Variants in TMEM143 observed in about 807,000 individuals in gnomAD.
TMEM143 encodes transmembrane protein 143.
A neutral mutation model predicts 40.3 loss-of-function variants in TMEM143; 45 were observed. The observed-to-expected ratio is 1.12, with a 90% confidence interval of 0.88 to 1.43. TMEM143 has a LOEUF of 1.43. Among genes scored for constraint, TMEM143 ranks in the 40% most tolerant of loss-of-function variants. The pLI, the probability that TMEM143 is intolerant of heterozygous loss-of-function variation, is 0.00. For missense variants in TMEM143, 620 were observed against 613.4 expected (o/e 1.01, Z -0.11); for synonymous variants, 299 against 282.7 (o/e 1.06, Z -0.58).
At chr19:48,358,978 G>A (rs1969972246) in intron 3 of TMEM143, among the ~76,000 whole-genome samples, 1 of 152,144 alleles carries the variant, frequency 6.6e-6, no homozygotes, top group Non-Finnish European at 1.5e-5. Context: ...AGACCACCCT[G>A]GCCAACATGG....
At chr19:48,344,928 G>T (rs1037320105) in intron 4 of TMEM143, among the ~76,000 whole-genome samples, 4 of 152,132 alleles carry the variant, frequency 2.6e-5, no homozygotes, top group African/African-American at 9.7e-5. Context: ...GGCTGGTCTT[G>T]AACTCTTGAC....
intron 6 of TMEM143, among the ~76,000 whole-genome samples, chr19:48,335,943 G>A (rs190714237): frequency 6.6e-6 from 1 of 151,948 alleles, no homozygotes; most frequent in East Asian, 1.9e-4. Flanking sequence ...GGGGAAGGAT[G>A]TTGGGGGGAA....
intron 6 of TMEM143, among the ~76,000 whole-genome samples, chr19:48,334,533 TTTC>T (rs1481552324): frequency 1.1e-4 from 17 of 149,020 alleles, no homozygotes; most frequent in Non-Finnish European, 2.4e-4. Flanking sequence ...CTTTCTTTCT[TTTC>T]TTTTCTTTCT....
intron 3 of TMEM143, 99 bp from the exon 4 acceptor site, chr19:48,345,453 T>TATTTA (rs1464392633): frequency 1.5e-6 from 1 of 658,760 alleles, no homozygotes; most frequent in Non-Finnish European, 2.1e-6. Context: ...TTCATTTATT[T>TATTTA]ATTTATTTAT....
chr19:48,363,909 C>T lies in TMEM143; in HGVS notation c.12G>A (p.Glu4=), dbSNP rs1439602186. The T allele has an allele frequency of 8.7e-6, 14 of 1,613,840 alleles. No homozygotes were observed. Among genetic ancestry groups the T allele is most frequent in the Non-Finnish European group, 1.1e-5 (13 of 1,179,828 alleles). ...GATTTCTCCCTCACCTTAGCCAAAG[C>T]TCGACTGTCATTGAGCCTCCTGCGC... is the stretch of plus-strand genomic sequence containing the variant. The part of the protein sequence containing the change: MTV[E]LWLRLRGKGL... The change falls in exon 1 of 8, where the codon GAG becomes GAA. Residue 4 remains glutamate (E), a synonymous_variant. Transcript: ENST00000293261.
chr19:48,334,619 T>C (rs1969327203), intron 6 of TMEM143, among the ~76,000 whole-genome samples: 1 of 146,514 alleles, frequency 6.8e-6, no homozygotes, highest in East Asian at 2.0e-4. Context: ...TCTCGCCCTG[T>C]AGCCCAGTCT....
At chr19:48,354,000 C>T (rs1045233916) in intron 3 of TMEM143, among the ~76,000 whole-genome samples, 2 of 151,936 alleles carry the variant, frequency 1.3e-5, no homozygotes, top group Non-Finnish European at 2.9e-5. Context: ...ACTCTGTTGC[C>T]CAGACTGGAG....
At chr19:48,342,009 G>T (rs992395068) in intron 6 of TMEM143, among the ~76,000 whole-genome samples, 1 of 151,032 alleles carries the variant, frequency 6.6e-6, no homozygotes, top group Non-Finnish European at 1.5e-5. Context: ...CCCCTAAGGG[G>T]TGTTGAGTAA....
At position 48,360,099 on chromosome 19, in the gene TMEM143, G is replaced by C; in HGVS notation, c.342C>G (p.His114Gln). ...GCAGCCGGGCCAGGATTTGGTGGTA[G>C]TGGAACAGGGTGCAGAAGTCCACGT... ...SAHVDFCTLF[H>Q]YHQILARLQA... The change falls in exon 3 of 8, where the codon CAC (histidine) becomes CAG (glutamine). Residue 114 changes from histidine (H) to glutamine (Q), a missense_variant. Transcript: ENST00000293261. 1 of 1,614,144 alleles carries C rather than the reference G, an allele frequency of 6.2e-7. No homozygotes were observed.
chr19:48,356,276 C>A (rs897882678), intron 3 of TMEM143, among the ~76,000 whole-genome samples: 1 of 150,728 alleles, frequency 6.6e-6, no homozygotes, highest in Non-Finnish European at 1.5e-5. Context: ...GGGATTACAG[C>A]GCCACTATGC....
intron 3 of TMEM143, among the ~76,000 whole-genome samples, chr19:48,346,376 A>C (rs11879424): frequency 0.019 from 2,868 of 152,102 alleles, 80 homozygotes; most frequent in African/African-American, 0.065. Context: ...GACATGAGCC[A>C]CTGTGCCCAG....
At chr19:48,348,219 A>C (rs1192378793) in intron 3 of TMEM143, among the ~76,000 whole-genome samples, 1 of 152,112 alleles carries the variant, frequency 6.6e-6, no homozygotes, top group Non-Finnish European at 1.5e-5. Flanking sequence ...TGCATTGATC[A>C]AATGTCCACT....
chr19:48,350,352 A>G (rs1419325636), intron 3 of TMEM143, among the ~76,000 whole-genome samples: 1 of 152,056 alleles, frequency 6.6e-6, no homozygotes, highest in African/African-American at 2.4e-5. Flanking sequence ...TATAACGGAC[A>G]GTTCCAGGCT....
Position 48,343,342 on chromosome 19 carries a change from G to A in TMEM143, c.674C>T (p.Thr225Ile). ...TCACCTCTCCGCAGGGGGCAGCTTG[G>A]TGAAGAAGCCACGCCTGGAGCCCAC... ...SSVGSRRGFF[T>I]KLPPAERRYF... Residue 225 changes from threonine (T) to isoleucine (I), a missense_variant, in exon 5 of 8, where the codon ACC (threonine) becomes ATC (isoleucine). Coordinates refer to ENST00000293261, the MANE Select transcript of TMEM143 (RefSeq NM_018273.4). 5 of 1,610,976 alleles carry A rather than the reference G, an allele frequency of 3.1e-6. No individual in the cohort carries two copies. The highest frequency in any genetic ancestry group is 4.2e-6 in the Non-Finnish European group (5 of 1,179,302).
intron 3 of TMEM143, among the ~76,000 whole-genome samples, chr19:48,356,892 CCT>C (rs1969912802): frequency 3.1e-5 from 4 of 129,814 alleles, no homozygotes; most frequent in African/African-American, 1.2e-4. Context: ...CAGCACCTGG[CCT>C]TTTTTTTTTT....
chr19:48,353,795 T>G (rs1213024710), intron 3 of TMEM143, among the ~76,000 whole-genome samples: 2 of 150,778 alleles, frequency 1.3e-5, no homozygotes, highest in African/African-American at 2.5e-5. Flanking sequence ...AGGACACACA[T>G]AGGACACCGA....
At chr19:48,340,723 G>A (rs1969469307) in intron 6 of TMEM143, among the ~76,000 whole-genome samples, 1 of 152,056 alleles carries the variant, frequency 6.6e-6, no homozygotes, top group Non-Finnish European at 1.5e-5. Flanking sequence ...CCTCCCCTCT[G>A]CCCTCCATGG....
At chr19:48,342,501 C>G (rs751111250) in intron 6 of TMEM143, 29 bp downstream of exon 6, 1 of 1,576,354 alleles carries the variant, frequency 6.3e-7, no homozygotes, top group Non-Finnish European at 8.6e-7. Context: ...AGCGCAGGGC[C>G]GCAGGAGGCG....
intron 3 of TMEM143, among the ~76,000 whole-genome samples, chr19:48,351,276 A>G (rs1255724978): frequency 6.6e-6 from 1 of 152,138 alleles, no homozygotes; most frequent in Non-Finnish European, 1.5e-5. Context: ...GTCATCCTGG[A>G]GTCTTCCCTT....
Sources: gnomAD v4.1 joint callset for allele counts (sites outside exome capture counted in the v4.1 genomes callset) on GRCh38, gnomAD v4.1.1 for gene constraint, MANE v1.5 for transcripts, NCBI Gene and HGNC (gene_info 2026-07-23, HGNC 2026-07-21) for gene names.